The following IFT140 variants were observed in gnomAD, a reference collection of about 807,000 sequenced individuals.
IFT140 encodes intraflagellar transport protein 140 homolog.
IFT140 carries 133 observed loss-of-function variants against 164.6 expected under a neutral mutation model. The ratio of observed to expected loss-of-function variants is 0.81; its 90% CI spans 0.70 to 0.93. IFT140 has a LOEUF of 0.93. Ranked by LOEUF, IFT140 falls within the 40% of genes least tolerant of loss-of-function variation. The pLI, the probability that IFT140 is intolerant of heterozygous loss-of-function variation, is 0.00. For synonymous variants in IFT140, 860 were observed against 817.3 expected (o/e 1.05, Z -0.89); for missense variants, 2,045 against 1,972.3 (o/e 1.04, Z -0.70).
chr16:1,592,285 G>T lies in IFT140; in HGVS notation c.525C>A (p.Ser175Arg), dbSNP rs772378665. The T allele has an allele frequency of 6.2e-7, 1 of 1,614,108 alleles. No homozygotes were observed. Among genetic ancestry groups the T allele is most frequent in the Non-Finnish European group, 8.5e-7 (1 of 1,180,026 alleles). ...DLVQLAKAAVSGDEKALDMFN... is the reference protein window; with the variant it reads ...DLVQLAKAAVRGDEKALDMFN... ...ACATGTCCAGGGCTTTCTCATCACC[G>T]CTCACAGCTGCCTTTGCCAACTGAA... is the stretch of plus-strand genomic sequence containing the variant. The change falls in exon 6 of 31, where the codon AGC becomes AGA. Residue 175 changes from serine (S) to arginine (R), a missense_variant. Coordinates refer to ENST00000426508, the MANE Select transcript of IFT140 (RefSeq NM_014714.4).
At chr16:1,611,849 T>C (rs947414675) in intron 1 of IFT140, 119 bp downstream of exon 1, 1 of 151,332 alleles carries the variant, frequency 6.6e-6, no homozygotes, top group African/African-American at 2.4e-5. Flanking sequence ...AACACTGGAA[T>C]TTGAAAAACA....
At chr16:1,547,565 C>A (rs1324305803) in intron 19 of IFT140, among the ~76,000 whole-genome samples, 1 of 152,138 alleles carries the variant, frequency 6.6e-6, no homozygotes, top group African/African-American at 2.4e-5. Context: ...GAGATAGGGT[C>A]TCACTCCGAT....
chr16:1,545,319 C>A (rs1329391581), intron 19 of IFT140, among the ~76,000 whole-genome samples: 2 of 152,094 alleles, frequency 1.3e-5, no homozygotes, highest in Non-Finnish European at 2.9e-5. Flanking sequence ...ACCAAGAGGG[C>A]CCCTGGTGTC....
At position 1,583,405 on chromosome 16, in the gene IFT140, A is replaced by T. The variant is rs766105229; in HGVS notation, c.1360-19T>A. On this transcript the variant is annotated intron_variant, in intron 11 of 30. Transcript: ENST00000426508. ...CAGCATCCTGAAAAGAACCACGGAC[A>T]TTCGAGGCAAAGGGCGGGAAAAGTG... 1 of 1,612,954 alleles carries T rather than the reference A, an allele frequency of 6.2e-7. No homozygotes were observed. Among genetic ancestry groups the T allele is most frequent in the Non-Finnish European group, 8.5e-7 (1 of 1,178,978 alleles).
intron 8 of IFT140, among the ~76,000 whole-genome samples, chr16:1,587,582 C>T (rs996257897): frequency 2.6e-5 from 4 of 152,326 alleles, no homozygotes; most frequent in Non-Finnish European, 4.4e-5. Context: ...GAGATGGCCC[C>T]GGACAGCACA....
intron 4 of IFT140, among the ~76,000 whole-genome samples, chr16:1,595,863 G>C (rs1236739946): frequency 6.6e-6 from 1 of 152,158 alleles, no homozygotes; most frequent in African/African-American, 2.4e-5. Flanking sequence ...GGCCAGCCTG[G>C]CCAACATGGC....
At position 1,564,835 on chromosome 16, in the gene IFT140, C is replaced by A. The variant is rs2033624328; in HGVS notation, c.1902-673G>T. ...CCATGGCTGCTGAAGAAGGACAGGA[C>A]CCGGTGCTGCAGGACATGAAGATCC... On this transcript the variant is annotated intron_variant, in intron 16 of 30. Transcript: ENST00000426508. This position sits in a 1 kb window ranked among gnomAD's most constrained non-coding sequence, Gnocchi z 5.5. 6.6e-6 allele frequency among the ~76,000 whole-genome samples: 1 copy of A among 152,200 alleles called. No individual in the cohort carries two copies. The highest frequency in any genetic ancestry group is 1.5e-5 in the Non-Finnish European group (1 of 68,040).
chr16:1,572,624 C>A (rs995573274), intron 13 of IFT140, among the ~76,000 whole-genome samples: 1 of 152,104 alleles, frequency 6.6e-6, no homozygotes. Flanking sequence ...CCAGCCTGGG[C>A]GACAGAGCAA....
intron 14 of IFT140, among the ~76,000 whole-genome samples, chr16:1,568,928 G>A (rs1015209378): frequency 6.6e-6 from 1 of 151,818 alleles, no homozygotes; most frequent in Non-Finnish European, 1.5e-5. Context: ...TATTTAACTC[G>A]TCCCCTGCCA....
At chr16:1,562,981 T>C (rs1440117682) in intron 17 of IFT140, among the ~76,000 whole-genome samples, 1 of 152,010 alleles carries the variant, frequency 6.6e-6, no homozygotes, top group African/African-American at 2.4e-5. Context: ...GGCAAAGCCT[T>C]TCCTTGCTAC....
chr16:1,563,378 G>T, intron 17 of IFT140, among the ~76,000 whole-genome samples: 1 of 150,564 alleles, frequency 6.6e-6, no homozygotes, highest in African/African-American at 2.4e-5. Flanking sequence ...CACTCCGCCT[G>T]GGAGGCGGAG....
intron 18 of IFT140, among the ~76,000 whole-genome samples, chr16:1,558,700 T>G (rs2033239520): frequency 1.3e-5 from 2 of 152,206 alleles, no homozygotes; most frequent in Non-Finnish European, 2.9e-5. Context: ...ATGGGTCCCT[T>G]CCTCCGTGGG....
chr16:1,597,997 T>C (rs780097302), intron 4 of IFT140, among the ~76,000 whole-genome samples: 3 of 152,134 alleles, frequency 2.0e-5, no homozygotes, highest in Non-Finnish European at 4.4e-5. Flanking sequence ...TAATGTGGGA[T>C]TGGCAGATGG....
In IFT140 at chr16:1,524,644, C is replaced by A. The variant is rs145968745; in HGVS notation, c.3049G>T (p.Ala1017Ser). ...TGNLAASYHL[A>S]RQYESQEEVG... ...TCCTCCTGGCTCTCGTACTGGCGGGCGAGGTGGTAGGAGGCCGCCAGGTTT... is the reference window on the plus strand; with the variant it reads ...TCCTCCTGGCTCTCGTACTGGCGGGAGAGGTGGTAGGAGGCCGCCAGGTTT... Residue 1017 changes from alanine to serine, a missense_variant, in exon 24 of 31, where the codon GCC becomes TCC. Coordinates refer to ENST00000426508, the MANE Select transcript of IFT140 (RefSeq NM_014714.4). The A allele has an allele frequency of 1.1e-5, 17 of 1,591,358 alleles. No homozygotes were observed. The highest frequency in any genetic ancestry group is 2.7e-5 in the African/African-American group (2 of 74,334).
intron 14 of IFT140, 133 bp from the exon 15 acceptor site, chr16:1,568,467 TGCACCATGAGGTGGG>T (rs1320741588): frequency 2.8e-6 from 2 of 712,718 alleles, no homozygotes; most frequent in African/African-American, 3.5e-5. Context: ...GTGGCGCGTG[TGCACCATGAGGTGGG>T]GCAAACGCAA....
chr16:1,580,708 G>T, intron 13 of IFT140, 51 bp downstream of exon 13: 1 of 1,206,014 alleles, frequency 8.3e-7, no homozygotes, highest in Non-Finnish European at 1.2e-6. Flanking sequence ...CAATTGAGAG[G>T]CAGGATTTCA....
At chr16:1,589,489 C>T (rs2035063760) in intron 7 of IFT140, 116 bp downstream of exon 7, 2 of 1,020,560 alleles carry the variant, frequency 2.0e-6, no homozygotes, top group East Asian at 2.5e-5. Context: ...CGCCCTAACT[C>T]AGTTGATAGG....
In IFT140 at chr16:1,545,896, G is replaced by T. The variant is rs563517745; in HGVS notation, c.2399+12039C>A. On this transcript the variant is annotated intron_variant, in intron 19 of 30. Coordinates refer to ENST00000426508, the MANE Select transcript of IFT140 (RefSeq NM_014714.4). ...GGGACCACCCTCCTCGCCCCTCAAG[G>T]CTCCCTCTTCCCTGCTCTGACACCC... 8.8e-4 allele frequency among the ~76,000 whole-genome samples: 134 copies of T among 152,304 alleles called. 3 individuals carry two copies. The South Asian group carries it at 0.025, about 29-fold the overall frequency.
At chr16:1,594,059 A>T (rs548238773) in intron 4 of IFT140, among the ~76,000 whole-genome samples, 1 of 152,276 alleles carries the variant, frequency 6.6e-6, no homozygotes, top group Admixed American at 6.5e-5. Context: ...ATGCTGGGTT[A>T]TCATCCAAGG....
Sources: allele counts gnomAD v4.1 joint callset (sites outside exome capture counted in the v4.1 genomes callset), GRCh38; gene constraint gnomAD v4.1.1; non-coding constraint Gnocchi (gnomAD v3.1); transcripts MANE v1.5; gene names NCBI Gene and HGNC (gene_info 2026-07-23, HGNC 2026-07-21).